The following RBPJ variants were observed in gnomAD, a reference collection of about 807,000 sequenced individuals.
RBPJ encodes the protein recombining binding protein suppressor of hairless.
In RBPJ, 9 loss-of-function variants were observed where a neutral mutation model predicts 67.8. The ratio of observed to expected loss-of-function variants is 0.13; its 90% CI spans 0.08 to 0.23. The LOEUF (loss-of-function observed/expected upper bound fraction) is 0.23, where lower values mean the gene tolerates loss of function less well. RBPJ is among the 10% of genes least tolerant of loss of function. The pLI is 1.00. For synonymous variants in RBPJ, 198 were observed against 203.3 expected (o/e 0.97, Z 0.22); for missense variants, 305 against 595.6 (o/e 0.51, Z 5.08).
intron 1 of RBPJ, among the ~76,000 whole-genome samples, chr4:26,246,948 T>C (rs1719949178): frequency 6.6e-6 from 1 of 151,520 alleles, no homozygotes; most frequent in Admixed American, 6.6e-5. Context: ...AGAAGTATTA[T>C]CTATTATCTA....
intron 1 of RBPJ, among the ~76,000 whole-genome samples, chr4:26,385,053 C>G (rs1466961685): frequency 7.0e-6 from 1 of 142,068 alleles, no homozygotes; most frequent in Admixed American, 7.3e-5. Flanking sequence ...TGGAGTCCTG[C>G]TCTGTCTCTC....
chr4:26,320,105 G>T (rs1722861967), upstream of RBPJ, among the ~76,000 whole-genome samples: 1 of 152,170 alleles, frequency 6.6e-6, no homozygotes, highest in African/African-American at 2.4e-5. Flanking sequence ...GCTGCGATGG[G>T]GTCTTAGAGA....
At chr4:26,364,882 G>T (rs775922094) in intron 1 of RBPJ, among the ~76,000 whole-genome samples, 10 of 151,662 alleles carry the variant, frequency 6.6e-5, no homozygotes, top group Non-Finnish European at 1.2e-4. Flanking sequence ...CTCCCGAAGT[G>T]CTGGGATTAT....
At chr4:26,398,726 G>T (rs1281344345) in intron 2 of RBPJ, among the ~76,000 whole-genome samples, 3 of 152,018 alleles carry the variant, frequency 2.0e-5, no homozygotes, top group Non-Finnish European at 4.4e-5. Context: ...TGCTTCTTTT[G>T]CCTCAGCCTC....
At chr4:26,336,566 C>G (rs565992089) in intron 1 of RBPJ, among the ~76,000 whole-genome samples, 68 of 151,720 alleles carry the variant, frequency 4.5e-4, no homozygotes, top group Middle Eastern at 3.4e-3. Context: ...TGGAGGATCA[C>G]TTAAGCCCAG....
intron 1 of RBPJ, among the ~76,000 whole-genome samples, chr4:26,341,243 G>A (rs1461621300): frequency 3.9e-5 from 6 of 152,160 alleles, no homozygotes; most frequent in Non-Finnish European, 8.8e-5. Context: ...AAACAGGAGT[G>A]TAGTATCCTA....
chr4:26,417,961 T>C (rs1298149345), intron 4 of RBPJ, among the ~76,000 whole-genome samples: 1 of 152,236 alleles, frequency 6.6e-6, no homozygotes, highest in Non-Finnish European at 1.5e-5. Flanking sequence ...TGTTGGATCT[T>C]AGATTTTGTG....
At chr4:26,279,214 G>A (rs1721177672) in intron 1 of RBPJ, among the ~76,000 whole-genome samples, 1 of 152,216 alleles carries the variant, frequency 6.6e-6, no homozygotes, top group Non-Finnish European at 1.5e-5. Flanking sequence ...TTGGGCAGAA[G>A]AGAGGATGAT....
the RBPJ span, among the ~76,000 whole-genome samples, chr4:26,133,125 A>G: frequency 1.3e-4 from 20 of 152,350 alleles, no homozygotes; most frequent in Admixed American, 1.1e-3. Context: ...CTCTGGCCAA[A>G]CCATTTCCTT....
At chr4:26,338,159 T>TC (rs957140060) in intron 1 of RBPJ, among the ~76,000 whole-genome samples, 24 of 144,632 alleles carry the variant, frequency 1.7e-4, no homozygotes, top group African/African-American at 4.8e-4. Flanking sequence ...TTTCTTTCTT[T>TC]TTTTTTTTTT....
At chr4:26,114,809 T>G in the RBPJ span, among the ~76,000 whole-genome samples, 1 of 152,202 alleles carries the variant, frequency 6.6e-6, no homozygotes, top group Admixed American at 6.5e-5. Context: ...CACCTCATAT[T>G]GACTTAAAAG....
chr4:26,223,080 G>A (rs1277757396), intron 1 of RBPJ, among the ~76,000 whole-genome samples: 5 of 151,924 alleles, frequency 3.3e-5, no homozygotes, highest in Admixed American at 6.6e-5. Context: ...GTGTGAACCC[G>A]GGAGGCAGAG....
chr4:26,399,915 T>C (rs532174541), intron 2 of RBPJ, among the ~76,000 whole-genome samples: 57 of 152,108 alleles, frequency 3.7e-4, no homozygotes, highest in African/African-American at 1.3e-3. Flanking sequence ...CTGACCTCAA[T>C]TGATTTGCCC....
In RBPJ at chr4:26,398,844, C is replaced by G. The variant is rs113133388; in HGVS notation, c.60-7331C>G. Among the ~76,000 whole-genome samples, 11 of 152,194 alleles carry G rather than the reference C, an allele frequency of 7.2e-5. 1 individual carries two copies. Among genetic ancestry groups the G allele is most frequent in the African/African-American group, 2.6e-4 (11 of 41,536 alleles). On this transcript the variant is annotated intron_variant, in intron 2 of 10. Coordinates refer to ENST00000355476, the MANE Select transcript of RBPJ (RefSeq NM_015874.6). ...GGCCAGGCTGGTCTTGAACTCCTGA[C>G]CTTGTGATCTGCCTGCCTCAGCCTC...
Position 26,431,476 on chromosome 4 carries a change from A to G in RBPJ, c.*469A>G, listed in dbSNP as rs1368430046. 1 of 154,576 alleles carries G rather than the reference A, an allele frequency of 6.5e-6. No individual in the cohort carries two copies. The highest frequency in any genetic ancestry group is 1.4e-5 in the Non-Finnish European group (1 of 69,570). The allele number at this position is 154,576 out of a possible 1,614,324, so 9.6% of individuals were successfully genotyped here. Reference sequence around the variant, plus strand: ...GGTATTATAGTACACCTTGTTACCAAATAGGTTGTTCTCTTCCCCACCCAC... The same window carrying G: ...GGTATTATAGTACACCTTGTTACCAGATAGGTTGTTCTCTTCCCCACCCAC... On this transcript the variant is annotated 3_prime_UTR_variant, in exon 11 of 11. Coordinates refer to ENST00000355476, the MANE Select transcript of RBPJ (RefSeq NM_015874.6).
intron 1 of RBPJ, among the ~76,000 whole-genome samples, chr4:26,358,065 G>A (rs532180271): frequency 1.4e-5 from 2 of 143,798 alleles, no homozygotes; most frequent in Non-Finnish European, 3.1e-5. Flanking sequence ...TTAATGATCA[G>A]AGAGTGAATT....
intron 1 of RBPJ, among the ~76,000 whole-genome samples, chr4:26,363,910 T>A (rs1728339588): frequency 2.0e-5 from 3 of 152,240 alleles, no homozygotes; most frequent in Non-Finnish European, 4.4e-5. Flanking sequence ...AAGTTTTTAT[T>A]TTTATAAAAT....
chr4:26,265,005 C>G (rs548012481), intron 1 of RBPJ, among the ~76,000 whole-genome samples: 1 of 152,232 alleles, frequency 6.6e-6, no homozygotes, highest in African/African-American at 2.4e-5. Flanking sequence ...TATTTATACC[C>G]TATTCATAGG....
chr4:26,304,044 G>A lies in RBPJ; in HGVS notation c.-166-58402G>A, dbSNP rs900049856. On this transcript the variant is annotated intron_variant, in intron 1 of 4. Transcript: ENST00000512351. Reference sequence around the variant, plus strand: ...CAGTTATCCCCACATACACACTGCCGGGCCCTAGACAGCCATTAATCTGCT... The same window carrying A: ...CAGTTATCCCCACATACACACTGCCAGGCCCTAGACAGCCATTAATCTGCT... Among the ~76,000 whole-genome samples, 6 of 152,156 alleles carry A rather than the reference G, an allele frequency of 3.9e-5. No homozygotes were observed. In the East Asian group the frequency reaches 5.8e-4, roughly 15 times the overall value.
Sources: gnomAD v4.1 joint callset for allele counts (sites outside exome capture counted in the v4.1 genomes callset) on GRCh38, gnomAD v4.1.1 for gene constraint, MANE v1.5 for transcripts, NCBI Gene and HGNC (gene_info 2026-07-23, HGNC 2026-07-21) for gene names.